Variants in EPHA5 observed in about 807,000 individuals in gnomAD.
The protein encoded by EPHA5 is EPH receptor A5, also known as ephrin type-A receptor 5.
A neutral mutation model predicts 105.0 loss-of-function variants in EPHA5; 60 were observed. That is an observed-to-expected ratio of 0.57 (90% CI 0.46 to 0.71). The LOEUF (loss-of-function observed/expected upper bound fraction) is 0.71, where lower values mean the gene tolerates loss of function less well. Ranked by LOEUF, EPHA5 falls within the 30% of genes least tolerant of loss-of-function variation. EPHA5 has a pLI of 0.00. For missense variants in EPHA5, 1,218 were observed against 1,274.7 expected (o/e 0.96, Z 0.68); for synonymous variants, 513 against 449.1 (o/e 1.14, Z -1.80).
chr4:65,608,265 AG>A (rs2149452228), intron 2 of EPHA5, among the ~76,000 whole-genome samples: 1 of 152,284 alleles, frequency 6.6e-6, no homozygotes, highest in African/African-American at 2.4e-5. Context: ...GCACTTTGGG[AG>A]GCTGAGGTAA....
At chr4:65,608,692 A>G (rs566738099) in intron 2 of EPHA5, among the ~76,000 whole-genome samples, 25 of 152,264 alleles carry the variant, frequency 1.6e-4, no homozygotes, top group Admixed American at 3.9e-4. Flanking sequence ...ATCCTGGAAG[A>G]AGAGTTTAAA....
chr4:65,522,260 T>G (rs2149282942), intron 3 of EPHA5, among the ~76,000 whole-genome samples: 1 of 150,822 alleles, frequency 6.6e-6, no homozygotes, highest in African/African-American at 2.5e-5. Flanking sequence ...TTGAATTCTT[T>G]TAGGCAATTG....
At chr4:65,426,735 CTTTA>C (rs1168921780) in intron 5 of EPHA5, among the ~76,000 whole-genome samples, 1 of 152,190 alleles carries the variant, frequency 6.6e-6, no homozygotes, top group Non-Finnish European at 1.5e-5. Context: ...AGTCTCCTCA[CTTTA>C]TTTATCTGTA....
chr4:65,531,018 T>TA (rs1409541745), intron 3 of EPHA5, among the ~76,000 whole-genome samples: 2 of 134,990 alleles, frequency 1.5e-5, no homozygotes, highest in African/African-American at 2.7e-5. Context: ...TTTTTTTATT[T>TA]TTTTTATTTT....
chr4:65,652,327 A>C (rs1161711628), intron 1 of EPHA5, among the ~76,000 whole-genome samples: 1 of 152,166 alleles, frequency 6.6e-6, no homozygotes, highest in Non-Finnish European at 1.5e-5. Context: ...TTGAGGAAAT[A>C]ATTTTACTTT....
Position 65,539,651 on chromosome 4 carries a change from A to G in EPHA5, c.911-44108T>C, listed in dbSNP as rs187480286. On this transcript the variant is annotated intron_variant, in intron 3 of 16. Transcript: ENST00000613740. ...GAAACTTTCAAATTGTATATCAGAGAATAGTTTTTGGAAAAACAGGAAGCT... is the reference window on the plus strand; with the variant it reads ...GAAACTTTCAAATTGTATATCAGAGGATAGTTTTTGGAAAAACAGGAAGCT... Among the ~76,000 whole-genome samples, 368 of 151,718 alleles carry G rather than the reference A, an allele frequency of 2.4e-3. 11 individuals carry two copies. Among genetic ancestry groups the G allele is most frequent in the Admixed American group, 0.023 (351 of 15,184 alleles).
intron 3 of EPHA5, among the ~76,000 whole-genome samples, chr4:65,523,059 T>C (rs1734910948): frequency 6.6e-6 from 1 of 151,910 alleles, no homozygotes; most frequent in South Asian, 2.1e-4. Context: ...TTTTTCATGC[T>C]CTATTTTCTC....
chr4:65,656,131 TAAA>T (rs34038643), intron 1 of EPHA5, among the ~76,000 whole-genome samples: 30,126 of 109,776 alleles, frequency 0.27, 3,877 homozygotes, highest in East Asian at 0.52. Flanking sequence ...TGCTGCTGCT[TAAA>T]AAAAAAAAAA....
At chr4:65,547,785 G>A (rs1578394871) in intron 3 of EPHA5, among the ~76,000 whole-genome samples, 1 of 151,982 alleles carries the variant, frequency 6.6e-6, no homozygotes, top group South Asian at 2.1e-4. Flanking sequence ...GCCACTCAAT[G>A]ACAGGGGCTG....
intron 16 of EPHA5, among the ~76,000 whole-genome samples, chr4:65,330,281 G>T (rs927424875): frequency 6.6e-6 from 1 of 151,336 alleles, no homozygotes; most frequent in Non-Finnish European, 1.5e-5. Flanking sequence ...GGTTATTAGG[G>T]CTTGAAAGAA....
chr4:65,633,405 T>G (rs1746827150), intron 2 of EPHA5, among the ~76,000 whole-genome samples: 1 of 151,820 alleles, frequency 6.6e-6, no homozygotes, highest in Admixed American at 6.6e-5. Context: ...TCAAACCACT[T>G]GGAAAAAATA....
chr4:65,558,769 T>C lies in EPHA5; in HGVS notation c.910+42872A>G, dbSNP rs541375897. ...TCATTTTACAAAAAATAGAAAATAATTATAGAAGGTTTGTTGCTGAAATTT... is the reference window on the plus strand; with the variant it reads ...TCATTTTACAAAAAATAGAAAATAACTATAGAAGGTTTGTTGCTGAAATTT... On this transcript the variant is annotated intron_variant, in intron 3 of 16. Transcript: ENST00000613740. 5.3e-5 allele frequency among the ~76,000 whole-genome samples: 8 copies of C among 152,228 alleles called. No homozygotes were observed. In the South Asian group the frequency reaches 1.7e-3, roughly 32 times the overall value.
At chr4:65,380,103 A>T (rs1441985962) in intron 8 of EPHA5, among the ~76,000 whole-genome samples, 1 of 151,800 alleles carries the variant, frequency 6.6e-6, no homozygotes, top group Admixed American at 6.6e-5. Context: ...AAAATGTGCT[A>T]GAAATAGCAA....
rs1047427174 is a variant in EPHA5, at chr4:65,574,361, C to CA, written c.910+27279dup. 7.9e-3 allele frequency: 6,543 copies of CA among 826,330 alleles called. 2 individuals are homozygous for CA. Among genetic ancestry groups the CA allele is most frequent in the Non-Finnish European group, 8.7e-3 (5,358 of 615,332 alleles). 51.2% of individuals were successfully genotyped at this position (826,330 alleles called of 1,614,324 possible). On this transcript the variant is annotated intron_variant, in intron 3 of 16. Coordinates refer to ENST00000613740, the MANE Select transcript of EPHA5 (RefSeq NM_001281766.3). ...AAGAACCTAATTAAATAGCTGACTA[C>CA]AAAAAAAAAATAATAATAATAAAAA...
chr4:65,498,822 A>G (rs1732198233), intron 3 of EPHA5, among the ~76,000 whole-genome samples: 1 of 151,712 alleles, frequency 6.6e-6, no homozygotes, highest in East Asian at 1.9e-4. Context: ...TAGAGAGAAA[A>G]AAAACCTGTG....
intron 3 of EPHA5, among the ~76,000 whole-genome samples, chr4:65,507,886 A>G (rs1733218955): frequency 6.6e-6 from 1 of 152,102 alleles, no homozygotes. Flanking sequence ...ATGATAATAC[A>G]ACATATATTA....
At chr4:65,550,357 C>A (rs932256842) in intron 3 of EPHA5, among the ~76,000 whole-genome samples, 1 of 151,908 alleles carries the variant, frequency 6.6e-6, no homozygotes, top group African/African-American at 2.4e-5. Context: ...GATATTTATC[C>A]ATTTTGACAT....
chr4:65,336,158 C>G (rs775894516), intron 14 of EPHA5, 33 bp from the exon 15 acceptor site: 2 of 1,545,650 alleles, frequency 1.3e-6, no homozygotes, highest in Non-Finnish European at 1.8e-6. Context: ...AGCACCCCAA[C>G]ACCACAAATT....
In EPHA5 at chr4:65,332,290, C is replaced by G. The variant is rs192692049; in HGVS notation, c.2790-162G>C. On this transcript the variant is annotated intron_variant, in intron 15 of 16. Coordinates refer to ENST00000613740, the MANE Select transcript of EPHA5 (RefSeq NM_001281766.3). ...ATATGGAAGAAAATAATTTAAAATACAGGAGAACACAAAATCAGTCTACTG... is the reference window on the plus strand; with the variant it reads ...ATATGGAAGAAAATAATTTAAAATAGAGGAGAACACAAAATCAGTCTACTG... 3.6e-3 allele frequency among the ~76,000 whole-genome samples: 543 copies of G among 151,620 alleles called. 4 individuals carry two copies. Among genetic ancestry groups the G allele is most frequent in the Middle Eastern group, 0.01 (3 of 294 alleles).
Sources: allele counts gnomAD v4.1 joint callset (sites outside exome capture counted in the v4.1 genomes callset), GRCh38; gene constraint gnomAD v4.1.1; transcripts MANE v1.5; gene names NCBI Gene and HGNC (gene_info 2026-07-23, HGNC 2026-07-21).